The following MROH2A variants were observed in gnomAD, a reference collection of about 807,000 sequenced individuals.
MROH2A encodes the protein maestro heat-like repeat-containing protein family member 2A.
MROH2A carries 174 observed loss-of-function variants against 200.4 expected under a neutral mutation model. The ratio of observed to expected loss-of-function variants is 0.87; its 90% CI spans 0.77 to 0.98. The LOEUF (loss-of-function observed/expected upper bound fraction) is 0.98, where lower values mean the gene tolerates loss of function less well. Among genes scored for constraint, MROH2A ranks in the 50% least tolerant of loss-of-function variants. MROH2A has a pLI of 0.00. For synonymous variants in MROH2A, 829 were observed against 840.4 expected (o/e 0.99, Z 0.23); for missense variants, 2,045 against 2,139.6 (o/e 0.96, Z 0.87).
chr2:233,830,457 C>T (rs565301736), intron 38 of MROH2A, among the ~76,000 whole-genome samples: 14 of 152,258 alleles, frequency 9.2e-5, no homozygotes, highest in Admixed American at 5.2e-4. Flanking sequence ...AGCCTTGGGA[C>T]GCAGCTGGCC....
At position 233,807,290 on chromosome 2, in the gene MROH2A, TG is replaced by T. The variant is rs1453782312; in HGVS notation, c.2053-132del. ...TTTTTGCACTTGTGAATTGTGCTGC[TG>T]TAAACGTGTGTGCAAGTATCTTCTG... On this transcript the variant is annotated intron_variant, in intron 19 of 41. Transcript: ENST00000389758. This position sits in a 1 kb window ranked among gnomAD's most constrained non-coding sequence, Gnocchi z 4.3. The T allele has an allele frequency of 1.1e-5, 11 of 1,003,292 alleles. No homozygotes were observed. Among genetic ancestry groups the T allele is most frequent in the Non-Finnish European group, 1.6e-5 (11 of 708,256 alleles). The allele number at this position is 1,003,292 out of a possible 1,614,324, so 62.1% of individuals were successfully genotyped here.
intron 23 of MROH2A, among the ~76,000 whole-genome samples, chr2:233,811,355 C>A (rs924326168): frequency 1.3e-5 from 2 of 152,234 alleles, no homozygotes; most frequent in African/African-American, 4.8e-5. Flanking sequence ...CTGATGGAAC[C>A]TGTGGGGCCG....
rs1192436397 is a variant in MROH2A, at chr2:233,816,778, T to C, written c.2857-3T>C. On this transcript the variant is annotated splice_polypyrimidine_tract_variant and splice_region_variant and intron_variant, in intron 26 of 41. Transcript: ENST00000389758. Reference sequence around the variant, plus strand: ...ACTTTGGTGTTCTGGGCTCTACCCATAGCTCCTGGAAAAGTGGATCTTGTC... The same window carrying C: ...ACTTTGGTGTTCTGGGCTCTACCCACAGCTCCTGGAAAAGTGGATCTTGTC... 4 of 1,548,724 alleles carry C rather than the reference T, an allele frequency of 2.6e-6. No individual in the cohort carries two copies. The highest frequency in any genetic ancestry group is 3.5e-6 in the Non-Finnish European group (4 of 1,145,478).
chr2:233,782,115 G>A (rs560594126), intron 3 of MROH2A, among the ~76,000 whole-genome samples: 1 of 152,226 alleles, frequency 6.6e-6, no homozygotes, highest in South Asian at 2.1e-4. Flanking sequence ...ATGCTATTTT[G>A]GTTACTATGG....
chr2:233,796,078 C>T lies in MROH2A; in HGVS notation c.1138+33C>T, dbSNP rs1468229498. 1.7e-5 allele frequency: 26 copies of T among 1,545,784 alleles called. 1 individual carries two copies. Among genetic ancestry groups the T allele is most frequent in the Non-Finnish European group, 2.3e-5 (26 of 1,143,756 alleles). On this transcript the variant is annotated intron_variant, in intron 10 of 41. Coordinates refer to ENST00000389758, the MANE Select transcript of MROH2A (RefSeq NM_001394639.1). ...TCTGCGGCAGGGTGCTCCCTGCCTG[C>T]CCCGAGGCCTGCAGGAGGCCTGTAG...
At chr2:233,819,528 G>T (rs1235394819) in intron 30 of MROH2A, 59 bp downstream of exon 30, 4 of 1,506,002 alleles carry the variant, frequency 2.7e-6, no homozygotes, top group Non-Finnish European at 3.6e-6. Context: ...GGTGTGCCCA[G>T]ATGAGAGGGA....
chr2:233,830,592 A>C (rs909004859), intron 38 of MROH2A, among the ~76,000 whole-genome samples: 2 of 151,726 alleles, frequency 1.3e-5, no homozygotes, highest in Admixed American at 1.3e-4. Context: ...GGTGGCCCAG[A>C]TGGCCTGGGT....
intron 19 of MROH2A, among the ~76,000 whole-genome samples, chr2:233,806,729 G>A (rs558187776): frequency 4.6e-5 from 7 of 152,046 alleles, no homozygotes; most frequent in East Asian, 1.9e-4. Flanking sequence ...CCTTTAACAC[G>A]TATAACATGC....
chr2:233,833,242 C>T lies in MROH2A; in HGVS notation c.5008C>T (p.Pro1670Ser), dbSNP rs1265648848. 6.5e-7 allele frequency: 1 copy of T among 1,549,400 alleles called. No individual in the cohort carries two copies. The highest frequency in any genetic ancestry group is 2.4e-5 in the East Asian group (1 of 40,894). Residue 1670 changes from proline (P) to serine (S), a missense_variant, in exon 42 of 42, where the codon CCC becomes TCC. Pro to Ser is a moderately conservative substitution (Grantham distance 74). This residue lies in a region of MROH2A where 1,201 missense variants were observed against 1,311.3 expected (regional missense o/e 0.92). Coordinates refer to ENST00000389758, the MANE Select transcript of MROH2A (RefSeq NM_001394639.1). ...TAGTCAGCATGGGTTTCTGGCTTCA[C>T]CCCAAGGAATGTCCTAGGTGGTCCA... is the stretch of plus-strand genomic sequence containing the variant. ...SCSQHGFLAS[P>S]QGMS
At chr2:233,816,735 C>T (rs887307916) in intron 26 of MROH2A, 46 bp from the exon 27 acceptor site, 15 of 1,374,972 alleles carry the variant, frequency 1.1e-5, no homozygotes, top group Non-Finnish European at 1.4e-5. Flanking sequence ...AAGGGCTGGC[C>T]CCAGGATTTT....
At chr2:233,780,810 T>A (rs1700920611) in intron 3 of MROH2A, among the ~76,000 whole-genome samples, 1 of 152,194 alleles carries the variant, frequency 6.6e-6, no homozygotes, top group African/African-American at 2.4e-5. Context: ...CAACCTACAG[T>A]GCTATAGAAC....
intron 5 of MROH2A, among the ~76,000 whole-genome samples, chr2:233,792,372 G>A (rs915060621): frequency 6.6e-6 from 1 of 151,076 alleles, no homozygotes; most frequent in Non-Finnish European, 1.5e-5. Flanking sequence ...GAGTGCAGTG[G>A]CGCGATCTCG....
At chr2:233,790,269 CTCTT>C (rs1701631962) in intron 5 of MROH2A, among the ~76,000 whole-genome samples, 1 of 146,270 alleles carries the variant, frequency 6.8e-6, no homozygotes, top group South Asian at 2.3e-4. Context: ...CTTTCCATCT[CTCTT>C]TCTTTTTTAA....
intron 35 of MROH2A, among the ~76,000 whole-genome samples, chr2:233,825,656 G>A (rs2124898761): frequency 6.6e-6 from 1 of 152,290 alleles, no homozygotes; most frequent in Admixed American, 6.5e-5. Context: ...TTGCATCCTG[G>A]GAATGAAGGC....
In MROH2A at chr2:233,819,371, T is replaced by C. The variant is rs1290139530; in HGVS notation, c.3259T>C (p.Cys1087Arg). The change falls in exon 30 of 42, where the codon TGC (cysteine) becomes CGC (arginine). Residue 1087 changes from cysteine (C) to arginine (R), a missense_variant. By Grantham distance (180) the Cys-to-Arg change is radical. Around this residue, in one of 3 missense-constraint regions of MROH2A, gnomAD observed 1,201 missense variants for 1,311.3 expected, o/e 0.92. Coordinates refer to ENST00000389758, the MANE Select transcript of MROH2A (RefSeq NM_001394639.1). ...DEVVSLIQKLCENTGAMNLQH... is the reference protein window; with the variant it reads ...DEVVSLIQKLRENTGAMNLQH... ...GGTGGTCTCGCTCATCCAGAAGCTCTGCGAGAACACTGGGGCCATGAACCT... is the reference window on the plus strand; with the variant it reads ...GGTGGTCTCGCTCATCCAGAAGCTCCGCGAGAACACTGGGGCCATGAACCT... The C allele has an allele frequency of 9.7e-6, 15 of 1,550,566 alleles. 1 individual carries two copies. In the South Asian group the frequency reaches 1.5e-4, roughly 16 times the overall value.
In MROH2A at chr2:233,822,017, CAGAGTCCA is replaced by C. The variant is rs1703970453; in HGVS notation, c.3513-105_3513-98del. 2.2e-6 allele frequency: 3 copies of C among 1,345,968 alleles called. No individual in the cohort carries two copies. The African/African-American group carries it at 4.4e-5, about 20-fold the overall frequency. 83.4% of individuals were successfully genotyped at this position (1,345,968 alleles called of 1,614,324 possible). The stretch of plus-strand genomic sequence containing the variant: ...CTCCGCCTCCCTGAGATTCAGTCCC[CAGAGTCCA>C]ACCCCTACTTAGGGGGCTGCCAAGG... On this transcript the variant is annotated intron_variant, in intron 31 of 41. Transcript: ENST00000389758.
At chr2:233,832,674 T>G (rs1273184932) in intron 41 of MROH2A, 30 bp downstream of exon 41, 1 of 1,403,234 alleles carries the variant, frequency 7.1e-7, no homozygotes, top group Non-Finnish European at 9.6e-7. Context: ...AGATGTTGAG[T>G]CCACGACTCA....
intron 31 of MROH2A, among the ~76,000 whole-genome samples, chr2:233,821,914 C>T (rs1405430160): frequency 5.9e-5 from 9 of 151,982 alleles, no homozygotes; most frequent in East Asian, 3.9e-4. Flanking sequence ...CCAAAGGTAC[C>T]GTGAGCCCGT....
chr2:233,821,506 C>T (rs1209390055), intron 31 of MROH2A, among the ~76,000 whole-genome samples: 1 of 152,232 alleles, frequency 6.6e-6, no homozygotes, highest in South Asian at 2.1e-4. Flanking sequence ...TGTTAAATTA[C>T]ATTTAGACTT....
Sources: gnomAD v4.1 joint callset for allele counts (sites outside exome capture counted in the v4.1 genomes callset) on GRCh38, gnomAD v4.1.1 for gene constraint, gnomAD v4.1.1 regional missense constraint, Gnocchi (gnomAD v3.1) non-coding constraint, MANE v1.5 for transcripts, NCBI Gene and HGNC (gene_info 2026-07-23, HGNC 2026-07-21) for gene names.